The following LMAN1 variants were observed in gnomAD, a reference collection of about 807,000 sequenced individuals.
LMAN1 encodes the protein protein ERGIC-53.
A neutral mutation model predicts 67.8 loss-of-function variants in LMAN1; 32 were observed. That is an observed-to-expected ratio of 0.47 (90% confidence interval 0.36 to 0.63). LMAN1 has a LOEUF of 0.63. Ranked by LOEUF, LMAN1 falls within the 30% of genes least tolerant of loss-of-function variation. The pLI is 0.00. For synonymous variants in LMAN1, 235 were observed against 219.3 expected (o/e 1.07, Z -0.63); for missense variants, 632 against 628.2 (o/e 1.01, Z -0.06).
rs188792001 is a variant in LMAN1 at position 59,354,713 on chromosome 18, T to C, written c.478-133A>G. 1,170 of 543,732 alleles carry C rather than the reference T, an allele frequency of 2.2e-3. 3 individuals are homozygous for C. The highest frequency in any genetic ancestry group is 3.3e-3 in the Non-Finnish European group (1,011 of 308,368). The allele number at this position is 543,732 out of a possible 1,614,324, so 33.7% of individuals were successfully genotyped here. A position where few individuals can be genotyped will look rare whatever the true frequency, so the allele number is the denominator to read the frequency against. On this transcript the variant is annotated intron_variant, in intron 3 of 12. Transcript: ENST00000251047. ...TTTTAAAATAACCTGGCCTTGGCAC[T>C]CAAGGAATTACTAAAGTTCTTTAAA...
intron 7 of LMAN1, among the ~76,000 whole-genome samples, chr18:59,346,292 C>T (rs937481657): frequency 4.9e-5 from 7 of 142,070 alleles, no homozygotes; most frequent in Non-Finnish European, 9.0e-5. Context: ...GTGATCTCGG[C>T]TCACTGCAAC....
intron 5 of LMAN1, among the ~76,000 whole-genome samples, chr18:59,351,044 TCTTA>T (rs1344998709): frequency 6.6e-6 from 1 of 152,180 alleles, no homozygotes; most frequent in Non-Finnish European, 1.5e-5. Flanking sequence ...TTCAACCTCC[TCTTA>T]CTTTGTTTTT....
At chr18:59,349,316 A>C (rs1254524970) in intron 5 of LMAN1, 80 bp from the exon 6 acceptor site, 2 of 1,267,734 alleles carry the variant, frequency 1.6e-6, no homozygotes, top group Non-Finnish European at 2.3e-6. Context: ...TATGACTACT[A>C]TTCAGTTTTG....
chr18:59,339,902 G>C (rs995537041), intron 8 of LMAN1, among the ~76,000 whole-genome samples: 1 of 152,110 alleles, frequency 6.6e-6, no homozygotes, highest in Admixed American at 6.5e-5. Context: ...ATGGAGGGTT[G>C]TGCCCCACCC....
intron 10 of LMAN1, among the ~76,000 whole-genome samples, chr18:59,336,533 T>C (rs1005534896): frequency 2.6e-5 from 4 of 152,150 alleles, no homozygotes; most frequent in African/African-American, 7.2e-5. Context: ...AGAGAAAAGA[T>C]AGTTGGTCCT....
At chr18:59,346,910 T>C (rs942789345) in intron 7 of LMAN1, among the ~76,000 whole-genome samples, 3 of 151,896 alleles carry the variant, frequency 2.0e-5, no homozygotes, top group African/African-American at 7.3e-5. Flanking sequence ...AGGTGGCCAG[T>C]ACAAACATTT....
chr18:59,337,275 C>T (rs974404443), intron 10 of LMAN1, among the ~76,000 whole-genome samples: 3 of 151,640 alleles, frequency 2.0e-5, no homozygotes, highest in Non-Finnish European at 4.4e-5. Flanking sequence ...GATTAATGCT[C>T]TTGGAAAATG....
chr18:59,350,039 T>C (rs1249896550), intron 5 of LMAN1, among the ~76,000 whole-genome samples: 1 of 152,220 alleles, frequency 6.6e-6, no homozygotes, highest in East Asian at 1.9e-4. Flanking sequence ...GAGTCATTAC[T>C]TCTAGAGTCA....
Position 59,338,324 on chromosome 18 carries a change from T to C in LMAN1, c.1220+233A>G, listed in dbSNP as rs180751390. ...GTAACTGACAAATCTCTTTAAAAGA[T>C]GCCAAAACATTTTTTCTTTTCCAGC... On this transcript the variant is annotated intron_variant, in intron 10 of 12. Coordinates refer to ENST00000251047, the MANE Select transcript of LMAN1 (RefSeq NM_005570.4). Among the ~76,000 whole-genome samples, 176 of 152,300 alleles carry C rather than the reference T, an allele frequency of 1.2e-3. 1 individual carries two copies. The highest frequency in any genetic ancestry group is 1.8e-3 in the Non-Finnish European group (122 of 68,004).
chr18:59,338,838 A>T lies in LMAN1; in HGVS notation c.1071T>A (p.Asp357Glu). 6.2e-7 allele frequency: 1 copy of T among 1,613,982 alleles called. No homozygotes were observed. Among genetic ancestry groups the T allele is most frequent in the Non-Finnish European group, 8.5e-7 (1 of 1,179,972 alleles). Residue 357 changes from aspartate (D) to glutamate (E), a missense_variant, in exon 9 of 13, where the codon GAT becomes GAA. Transcript: ENST00000251047. ...AGGAAGAGACATATCTTCTCTGTTCATCAAGAATCATATCTAACTGCCGGT... is the reference window on the plus strand; with the variant it reads ...AGGAAGAGACATATCTTCTCTGTTCTTCAAGAATCATATCTAACTGCCGGT... ...QLNRQLDMIL[D>E]EQRRYVSSLT... is the part of the protein sequence containing the mutation.
Position 59,355,281 on chromosome 18 carries a change from A to G in LMAN1, c.477+32T>C, listed in dbSNP as rs750211561. The G allele has an allele frequency of 2.8e-5, 42 of 1,478,492 alleles. 1 individual carries two copies. In the Admixed American group the frequency reaches 6.9e-4, roughly 24 times the overall value. The allele number at this position is 1,478,492 out of a possible 1,614,324, so 91.6% of individuals were successfully genotyped here. On this transcript the variant is annotated intron_variant, in intron 3 of 12. Transcript: ENST00000251047. The stretch of plus-strand genomic sequence containing the variant: ...GCCTAACTCTGTTGATAGATGTATT[A>G]AAGTGGATAACAGTCCTGACAATAA...
chr18:59,358,659 C>A (rs903647351), intron 1 of LMAN1, among the ~76,000 whole-genome samples: 2 of 151,952 alleles, frequency 1.3e-5, no homozygotes, highest in South Asian at 2.1e-4. Flanking sequence ...GGGGGTAGGG[C>A]ACATTTCTCC....
chr18:59,355,718 A>G (rs1908647159), intron 1 of LMAN1, 60 bp from the exon 2 acceptor site: 3 of 1,554,166 alleles, frequency 1.9e-6, no homozygotes, highest in Non-Finnish European at 2.6e-6. Flanking sequence ...CTCAATGATC[A>G]TTTCCAAACT....
In LMAN1 at chr18:59,333,113, T is replaced by C; in HGVS notation, c.1352A>G (p.Asp451Gly). ...EHLHIVKRDI[D>G]NLVQRNMPSN... is the part of the protein sequence containing the mutation. ...TACCATATTTCGCTGCACTAAGTTA[T>C]CTATGTCCCTCTTTACTATGTGCAG... Residue 451 changes from aspartate to glycine, a missense_variant, in exon 11 of 13, where the codon GAT (aspartate) becomes GGT (glycine). Physicochemically the swap from Asp to Gly is moderately conservative, Grantham distance 94. Coordinates refer to ENST00000251047, the MANE Select transcript of LMAN1 (RefSeq NM_005570.4). 4.3e-6 allele frequency: 7 copies of C among 1,613,544 alleles called. No individual in the cohort carries two copies. Among genetic ancestry groups the C allele is most frequent in the Non-Finnish European group, 5.9e-6 (7 of 1,179,542 alleles).
rs2070759682 is a variant in LMAN1, at chr18:59,333,228, T to C, written c.1237A>G (p.Thr413Ala). 6.2e-7 allele frequency: 1 copy of C among 1,613,300 alleles called. No homozygotes were observed. Among genetic ancestry groups the C allele is most frequent in the Admixed American group, 1.7e-5 (1 of 59,928 alleles). The change falls in exon 11 of 13, where the codon ACC (threonine) becomes GCC (alanine). Residue 413 changes from threonine (T) to alanine (A), a missense_variant. Coordinates refer to ENST00000251047, the MANE Select transcript of LMAN1 (RefSeq NM_005570.4). ...TGCATTCCACTGACCAGTCTGACGG[T>C]TTCACTCATGGAATTTCTGAAACAG... ...VNEMKNSMSETVRLVSGMQHP... is the reference protein window; with the variant it reads ...VNEMKNSMSEAVRLVSGMQHP...
intron 3 of LMAN1, 21 bp downstream of exon 3, chr18:59,355,292 C>T (rs779179804): frequency 6.5e-7 from 1 of 1,536,622 alleles, no homozygotes; most frequent in Non-Finnish European, 9.0e-7. Context: ...AAGTGGATAA[C>T]AGTCCTGACA....
chr18:59,359,203 C>G lies in LMAN1; in HGVS notation c.42G>C (p.Arg14=), dbSNP rs573660854. The part of the protein sequence containing the change: ...SRQRGLRARV[R]PLFCALLLSL... ...ACAGCAGCAAGGCGCAGAACAGCGG[C>G]CGAACTCTGGCCCGGAGACCCCTTT... The change falls in exon 1 of 13, where the codon CGG becomes CGC. Residue 14 remains arginine (R), a synonymous_variant. Transcript: ENST00000251047. 68 of 1,613,986 alleles carry G rather than the reference C, an allele frequency of 4.2e-5. 1 individual carries two copies. In the South Asian group the frequency reaches 7.0e-4, roughly 17 times the overall value.
At position 59,327,938 on chromosome 18, in the gene LMAN1, A is replaced by C. The variant is rs910487651; in HGVS notation, c.*3155T>G. 5 of 152,264 alleles carry C rather than the reference A, an allele frequency of 3.3e-5. No individual in the cohort carries two copies. The highest frequency in any genetic ancestry group is 1.2e-4 in the African/African-American group (5 of 41,476). The allele number at this position is 152,264 out of a possible 1,614,324, so 9.4% of individuals were successfully genotyped here. A position where few individuals can be genotyped will look rare whatever the true frequency, so the allele number is the denominator to read the frequency against. On this transcript the variant is annotated 3_prime_UTR_variant, in exon 13 of 13. Coordinates refer to ENST00000251047, the MANE Select transcript of LMAN1 (RefSeq NM_005570.4). Reference sequence around the variant, plus strand: ...AAAATGTTATCCAATTGAAATTGACAGTGGATAGAAAACCCTTTTAAACTT... The same window carrying C: ...AAAATGTTATCCAATTGAAATTGACCGTGGATAGAAAACCCTTTTAAACTT...
chr18:59,346,236 T>A lies in LMAN1; in HGVS notation c.823-185A>T, dbSNP rs867329431. On this transcript the variant is annotated intron_variant, in intron 7 of 12. Coordinates refer to ENST00000251047, the MANE Select transcript of LMAN1 (RefSeq NM_005570.4). ...TTTTTTTTTTTTTTTTTTTTTTTTT[T>A]AGAGACAAGAGTCGCGCTCTGTCAC... Among the ~76,000 whole-genome samples, 642 of 102,572 alleles carry A rather than the reference T, an allele frequency of 6.3e-3. 3 individuals carry two copies. The highest frequency in any genetic ancestry group is 6.1e-3 in the African/African-American group (156 of 25,774). The allele number at this position is 102,572 out of a possible 152,430, so 67.3% of individuals were successfully genotyped here. A position where few individuals can be genotyped will look rare whatever the true frequency, so the allele number is the denominator to read the frequency against.
Sources: allele counts gnomAD v4.1 joint callset (sites outside exome capture counted in the v4.1 genomes callset), GRCh38; gene constraint gnomAD v4.1.1; transcripts MANE v1.5; gene names NCBI Gene and HGNC (gene_info 2026-07-23, HGNC 2026-07-21).